ZFYVE28: variants seen among roughly 807,000 people sequenced by gnomAD.
The protein encoded by ZFYVE28 is zinc finger FYVE-type containing 28.
In ZFYVE28, 40 loss-of-function variants were observed where a neutral mutation model predicts 82.1. The ratio of observed to expected loss-of-function variants is 0.49; its 90% CI spans 0.38 to 0.63. The LOEUF is 0.63. Ranked by LOEUF, ZFYVE28 falls within the 30% of genes least tolerant of loss-of-function variation. The pLI, the probability that ZFYVE28 is intolerant of heterozygous loss-of-function variation, is 0.00. For missense variants in ZFYVE28, 1,321 were observed against 1,242.1 expected, an observed-to-expected ratio of 1.06 and a Z score of -0.96; for synonymous variants, 612 against 546.1, an observed-to-expected ratio of 1.12 and a Z score of -1.68.
chr4:2,297,147 C>T lies in ZFYVE28; in HGVS notation c.2051+7142G>A, dbSNP rs545602970. On this transcript the variant is annotated intron_variant, in intron 8 of 12. Transcript: ENST00000290974. Reference sequence around the variant, plus strand: ...CAGCAGCAGGTGACTCCCCACGCAGCGGCGCCTTCACTGATGTGCCAGCTA... The same window carrying T: ...CAGCAGCAGGTGACTCCCCACGCAGTGGCGCCTTCACTGATGTGCCAGCTA... Among the ~76,000 whole-genome samples the T allele has an allele frequency of 1.0e-3, 160 of 152,388 alleles. 2 individuals are homozygous for T. Among genetic ancestry groups the T allele is most frequent in the African/African-American group, 3.7e-3 (152 of 41,590 alleles).
intron 1 of ZFYVE28, among the ~76,000 whole-genome samples, chr4:2,404,713 G>C (rs1229829407): frequency 6.6e-6 from 1 of 152,158 alleles, no homozygotes; most frequent in East Asian, 1.9e-4. Context: ...ATAGAAACAG[G>C]GTGTTTATAT....
At chr4:2,327,209 C>T (rs1016276531) in intron 6 of ZFYVE28, among the ~76,000 whole-genome samples, 5 of 139,270 alleles carry the variant, frequency 3.6e-5, no homozygotes, top group Middle Eastern at 3.4e-3. Context: ...GAGATCGCAC[C>T]ACTGCACTCC....
intron 1 of ZFYVE28, among the ~76,000 whole-genome samples, chr4:2,404,923 T>A (rs73791777): frequency 0.046 from 6,593 of 144,798 alleles, 465 homozygotes; most frequent in African/African-American, 0.16. Flanking sequence ...TGGAGTGCAG[T>A]GGCACAGTCG....
rs1725080451 is a variant in ZFYVE28 at position 2,355,224 on chromosome 4, AT to A, written c.40-1152del. Among the ~76,000 whole-genome samples, 11 of 10,510 alleles carry A rather than the reference AT, an allele frequency of 1.0e-3. 1 individual carries two copies. Among genetic ancestry groups the A allele is most frequent in the African/African-American group, 3.6e-3 (7 of 1,932 alleles). 6.9% of individuals were successfully genotyped at this position (10,510 alleles called of 152,430 possible). A position where few individuals can be genotyped will look rare whatever the true frequency, so the allele number is the denominator to read the frequency against. On this transcript the variant is annotated intron_variant, in intron 1 of 12. Transcript: ENST00000290974. The stretch of plus-strand genomic sequence containing the variant: ...AATATATATATATATATATATATAT[AT>A]ATATATATATATATATATATATATA...
chr4:2,284,499 G>A (rs966606851), intron 8 of ZFYVE28, among the ~76,000 whole-genome samples: 3 of 152,202 alleles, frequency 2.0e-5, no homozygotes, highest in African/African-American at 4.8e-5. Context: ...GAGATGGAGA[G>A]GACCTCAGCA....
At chr4:2,315,883 C>T (rs1718131671) in intron 7 of ZFYVE28, among the ~76,000 whole-genome samples, 1 of 152,086 alleles carries the variant, frequency 6.6e-6, no homozygotes, top group Non-Finnish European at 1.5e-5. Flanking sequence ...TCTCTTTTCT[C>T]TCTTTCTGGG....
intron 1 of ZFYVE28, among the ~76,000 whole-genome samples, chr4:2,399,096 G>GGGCACAAGCGTGGAGGTGAGATCCAT (rs1730870306): frequency 2.3e-5 from 1 of 42,594 alleles, no homozygotes; most frequent in Non-Finnish European, 4.5e-5. Context: ...GTGAGATCCA[G>GGGCACAAGCGTGGAGGTGAGATCCAT]GGCACAAGCT....
At chr4:2,400,838 A>G (rs1731096236) in intron 1 of ZFYVE28, among the ~76,000 whole-genome samples, 1 of 152,098 alleles carries the variant, frequency 6.6e-6, no homozygotes, top group Non-Finnish European at 1.5e-5. Context: ...TGCCTTTCCC[A>G]GCCCACTAAC....
chr4:2,387,816 C>G (rs1729430945), intron 1 of ZFYVE28, among the ~76,000 whole-genome samples: 1 of 152,236 alleles, frequency 6.6e-6, no homozygotes, highest in South Asian at 2.1e-4. Context: ...CTTATCACCT[C>G]CAGAAAGAAC....
chr4:2,338,957 G>A (rs1048795542), intron 4 of ZFYVE28, among the ~76,000 whole-genome samples: 1 of 151,222 alleles, frequency 6.6e-6, no homozygotes, highest in African/African-American at 2.4e-5. Flanking sequence ...CCTGAGTGGC[G>A]CGCCACCAGG....
rs1441529386 is a variant in ZFYVE28 at position 2,416,116 on chromosome 4, G to A, written c.39+2169C>T. ...GCTGATTCACTGGCTGTGCCCTCTTGGTGCCCGCCGCCTGCCTGGAAAGGC... is the reference window on the plus strand; with the variant it reads ...GCTGATTCACTGGCTGTGCCCTCTTAGTGCCCGCCGCCTGCCTGGAAAGGC... On this transcript the variant is annotated intron_variant, in intron 1 of 12. Transcript: ENST00000290974. The surrounding 1 kb of genome is among the most constrained non-coding windows in gnomAD (Gnocchi z 4.6). 6.6e-6 allele frequency among the ~76,000 whole-genome samples: 1 copy of A among 152,220 alleles called. No homozygotes were observed. Among genetic ancestry groups the A allele is most frequent in the African/African-American group, 2.4e-5 (1 of 41,458 alleles).
chr4:2,305,638 A>G, intron 7 of ZFYVE28, 102 bp from the exon 8 acceptor site: 2 of 1,388,346 alleles, frequency 1.4e-6, no homozygotes, highest in Non-Finnish European at 2.0e-6. Flanking sequence ...CCAGCAGAAC[A>G]ACAGCCAGGC....
Position 2,362,468 on chromosome 4 carries a change from G to C in ZFYVE28, c.40-8395C>G, listed in dbSNP as rs1274274610. The stretch of plus-strand genomic sequence containing the variant: ...AGCCCCTCCACCCCTCCACCACTGG[G>C]GCTAGAATTGTTCACTGCTGCCAAT... On this transcript the variant is annotated intron_variant, in intron 1 of 12. Transcript: ENST00000290974. This position sits in a 1 kb window ranked among gnomAD's most constrained non-coding sequence, Gnocchi z 5.1. Among the ~76,000 whole-genome samples, 2 of 152,092 alleles carry C rather than the reference G, an allele frequency of 1.3e-5. No individual in the cohort carries two copies. The highest frequency in any genetic ancestry group is 1.3e-4 in the Admixed American group (2 of 15,282).
At chr4:2,330,124 T>C (rs768036619) in intron 6 of ZFYVE28, 22 of 249,944 alleles carry the variant, frequency 8.8e-5, no homozygotes, top group Non-Finnish European at 1.2e-4. Flanking sequence ...TGAAGGATAA[T>C]AGGGGGTGGA....
intron 1 of ZFYVE28, among the ~76,000 whole-genome samples, chr4:2,403,925 C>T (rs575002786): frequency 6.2e-5 from 9 of 145,850 alleles, no homozygotes; most frequent in Admixed American, 2.8e-4. Context: ...GCAGATATTG[C>T]GCCATTGCAC....
intron 8 of ZFYVE28, among the ~76,000 whole-genome samples, chr4:2,282,986 T>C (rs1202894771): frequency 6.6e-6 from 1 of 152,156 alleles, no homozygotes; most frequent in Middle Eastern, 3.2e-3. Flanking sequence ...AAGGTTTAAT[T>C]GTGCTTGGAT....
chr4:2,390,390 A>G (rs1485288657), intron 1 of ZFYVE28, among the ~76,000 whole-genome samples: 2 of 152,210 alleles, frequency 1.3e-5, no homozygotes, highest in African/African-American at 4.8e-5. Flanking sequence ...TGACGGCCAC[A>G]GGAAACGAAT....
At chr4:2,359,932 A>G (rs1284904315) in intron 1 of ZFYVE28, among the ~76,000 whole-genome samples, 1 of 151,982 alleles carries the variant, frequency 6.6e-6, no homozygotes, top group Admixed American at 6.6e-5. Flanking sequence ...TCCCTGAAAG[A>G]CCCTGGGGAC....
At position 2,417,461 on chromosome 4, in the gene ZFYVE28, C is replaced by T. The variant is rs1406473156; in HGVS notation, c.39+824G>A. Among the ~76,000 whole-genome samples, 2 of 150,552 alleles carry T rather than the reference C, an allele frequency of 1.3e-5. No homozygotes were observed. The highest frequency in any genetic ancestry group is 2.4e-5 in the African/African-American group (1 of 41,262). Reference sequence around the variant, plus strand: ...TGAGGCACGGGGCGCGCCGCCCGGACCCCGACCCCGCGGCGCTAGGAGAGG... The same window carrying T: ...TGAGGCACGGGGCGCGCCGCCCGGATCCCGACCCCGCGGCGCTAGGAGAGG... On this transcript the variant is annotated intron_variant, in intron 1 of 12. Transcript: ENST00000290974. This position sits in a 1 kb window ranked among gnomAD's most constrained non-coding sequence, Gnocchi z 4.8.
Sources: allele counts gnomAD v4.1 joint callset (sites outside exome capture counted in the v4.1 genomes callset), GRCh38; gene constraint gnomAD v4.1.1; non-coding constraint Gnocchi (gnomAD v3.1); transcripts MANE v1.5; gene names NCBI Gene and HGNC (gene_info 2026-07-23, HGNC 2026-07-21).